INSIG2: variants seen among roughly 807,000 people sequenced by gnomAD.
The protein encoded by INSIG2 is insulin-induced gene 2 protein.
A neutral mutation model predicts 27.2 loss-of-function variants in INSIG2; 10 were observed. The ratio of observed to expected loss-of-function variants is 0.37; its 90% confidence interval spans 0.23 to 0.62. The LOEUF (loss-of-function observed/expected upper bound fraction) is 0.62, where lower values mean the gene tolerates loss of function less well. INSIG2 is among the 20% of genes least tolerant of loss of function. The probability of loss-of-function intolerance (pLI) is 0.65; values close to 1 mark genes in which losing one functional copy is unlikely to be tolerated. For synonymous variants in INSIG2, 97 were observed against 95.8 expected (o/e 1.01, Z -0.07); for missense variants, 178 against 270.2 (o/e 0.66, Z 2.39).
chr2:118,102,972 G>A (rs1558836250), intron 2 of INSIG2, among the ~76,000 whole-genome samples: 1 of 151,436 alleles, frequency 6.6e-6, no homozygotes, highest in Admixed American at 6.6e-5. Flanking sequence ...TTAGAATGTT[G>A]TTGTAATCAT....
At chr2:118,098,390 T>C (rs1221840404) in intron 2 of INSIG2, among the ~76,000 whole-genome samples, 1 of 152,158 alleles carries the variant, frequency 6.6e-6, no homozygotes, top group African/African-American at 2.4e-5. Context: ...TTGTGCCTGT[T>C]ATGGGGAGAT....
At chr2:118,098,448 C>A (rs1484124698) in intron 2 of INSIG2, among the ~76,000 whole-genome samples, 1 of 152,114 alleles carries the variant, frequency 6.6e-6, no homozygotes, top group Admixed American at 6.5e-5. Context: ...GCCCAGGGTC[C>A]CAGAGCCAGT....
chr2:118,107,281 G>A (rs1678697227), intron 5 of INSIG2, 92 bp downstream of exon 5: 2 of 782,976 alleles, frequency 2.6e-6, no homozygotes, highest in Non-Finnish European at 4.3e-6. Flanking sequence ...AATTTGTGAA[G>A]ACAACATTCT....
At chr2:118,106,946 A>G (rs778171040) in intron 4 of INSIG2, 43 bp downstream of exon 4, 12 of 1,595,448 alleles carry the variant, frequency 7.5e-6, no homozygotes, top group East Asian at 6.7e-5. Context: ...TTTGCTAGAT[A>G]AATAAATGAT....
rs1357574562 is a variant in INSIG2, at chr2:118,096,512, CTTTCCA to C, written c.-41_-36del. ...CAGTTGAGCTTTTCAGCTGGGAAGC[CTTTCCA>C]TTTTTTTTTTTTTAACGGCTTTCTG... is the stretch of plus-strand genomic sequence containing the variant. On this transcript the variant is annotated 5_prime_UTR_variant, in exon 2 of 6. Transcript: ENST00000245787. 1 of 1,550,156 alleles carries C rather than the reference CTTTCCA, an allele frequency of 6.5e-7. No homozygotes were observed. The highest frequency in any genetic ancestry group is 8.7e-7 in the Non-Finnish European group (1 of 1,153,062).
chr2:118,097,273 C>T (rs964665239), intron 2 of INSIG2, among the ~76,000 whole-genome samples: 1 of 152,170 alleles, frequency 6.6e-6, no homozygotes, highest in Non-Finnish European at 1.5e-5. Flanking sequence ...CTTTCTTCAA[C>T]CCATCTCATC....
intron 1 of INSIG2, among the ~76,000 whole-genome samples, chr2:118,090,990 C>G (rs1252523986): frequency 6.6e-6 from 1 of 152,154 alleles, no homozygotes; most frequent in African/African-American, 2.4e-5. Flanking sequence ...ATACCAGAGA[C>G]TTTTTCCCTG....
At chr2:118,092,245 G>A (rs531019515) in intron 1 of INSIG2, among the ~76,000 whole-genome samples, 6 of 152,288 alleles carry the variant, frequency 3.9e-5, no homozygotes, top group African/African-American at 9.6e-5. Flanking sequence ...TGAGGGCAAC[G>A]TGCTGTGTCT....
chr2:118,102,086 A>G (rs2104534342), intron 2 of INSIG2, among the ~76,000 whole-genome samples: 2 of 152,360 alleles, frequency 1.3e-5, no homozygotes, highest in Middle Eastern at 6.8e-3. Context: ...CTTGTCCCTC[A>G]GGCACTTAGA....
In INSIG2 at chr2:118,106,756, A is replaced by G; in HGVS notation, c.389A>G (p.Asn130Ser). 2 of 1,613,958 alleles carry G rather than the reference A, an allele frequency of 1.2e-6. No individual in the cohort carries two copies. The highest frequency in any genetic ancestry group is 1.7e-6 in the Non-Finnish European group (2 of 1,179,882). ...HASAKVDFDNNIQLSLTLAAL... is the reference protein window; with the variant it reads ...HASAKVDFDNSIQLSLTLAAL... ...TCTCAGAAAGTGGATTTCGATAACA[A>G]CATACAGTTGTCTCTCACACTGGCT... The change falls in exon 4 of 6, where the codon AAC becomes AGC. Residue 130 changes from asparagine to serine, a missense_variant. By Grantham distance (46) the Asn-to-Ser change is conservative. Transcript: ENST00000245787.
intron 1 of INSIG2, 141 bp from the exon 2 acceptor site, chr2:118,096,274 ATAAC>A (rs761855751): frequency 7.3e-5 from 20 of 275,158 alleles, no homozygotes; most frequent in African/African-American, 2.0e-4. Context: ...TATTCAATAA[ATAAC>A]TGTTAGTAAT....
chr2:118,103,080 GTTT>G, intron 2 of INSIG2, 114 bp from the exon 3 acceptor site: 4 of 646,348 alleles, frequency 6.2e-6, no homozygotes, highest in Non-Finnish European at 9.1e-6. Flanking sequence ...TTTTTTTTTT[GTTT>G]TTTTTTTTTT....
intron 2 of INSIG2, 114 bp from the exon 3 acceptor site, chr2:118,103,069 CTTTTTTTTTTGTTT>C (rs1678586026): frequency 1.3e-6 from 1 of 771,844 alleles, no homozygotes; most frequent in Non-Finnish European, 1.9e-6. Context: ...TGTGAAATAA[CTTTTTTTTTTGTTT>C]TTTTTTTTTT....
intron 1 of INSIG2, 73 bp from the exon 2 acceptor site, chr2:118,096,346 G>A: frequency 2.2e-6 from 1 of 456,186 alleles, no homozygotes; most frequent in Admixed American, 3.9e-5. Flanking sequence ...AAATTAACTA[G>A]TATTGAAATC....
intron 3 of INSIG2, 131 bp from the exon 4 acceptor site, chr2:118,106,606 T>G (rs1558837582): frequency 8.9e-6 from 6 of 672,416 alleles, no homozygotes; most frequent in Non-Finnish European, 1.5e-5. Flanking sequence ...TACATTGTAC[T>G]AAGAGACTGA....
rs542976844 is a variant in INSIG2 at position 118,102,051 on chromosome 2, C to T, written c.245-1146C>T. On this transcript the variant is annotated intron_variant, in intron 2 of 5. Coordinates refer to ENST00000245787, the MANE Select transcript of INSIG2 (RefSeq NM_016133.4). ...TGCATTGCCTGTGAGATACAGCTGG[C>T]TAATACTGGGTAGGGGGAGGGCCTC... Among the ~76,000 whole-genome samples, 11 of 152,284 alleles carry T rather than the reference C, an allele frequency of 7.2e-5. No homozygotes were observed. The South Asian group carries it at 1.9e-3, about 26-fold the overall frequency.
chr2:118,104,819 A>G (rs144384778), intron 3 of INSIG2, among the ~76,000 whole-genome samples: 1,939 of 152,178 alleles, frequency 0.013, 16 homozygotes, highest in Non-Finnish European at 0.02. Flanking sequence ...TTCCACTTTG[A>G]TTTTTGTTTT....
intron 2 of INSIG2, among the ~76,000 whole-genome samples, chr2:118,099,760 G>GT (rs1351576905): frequency 6.6e-6 from 1 of 152,138 alleles, no homozygotes; most frequent in Non-Finnish European, 1.5e-5. Context: ...GTAGAGCCTT[G>GT]TAAGATTCCT....
intron 2 of INSIG2, among the ~76,000 whole-genome samples, chr2:118,097,523 T>C (rs1408330181): frequency 1.3e-5 from 2 of 152,226 alleles, no homozygotes; most frequent in African/African-American, 4.8e-5. Context: ...ATTAGTATCC[T>C]ATTAGTTACT....
Sources: allele counts gnomAD v4.1 joint callset (sites outside exome capture counted in the v4.1 genomes callset), GRCh38; gene constraint gnomAD v4.1.1; transcripts MANE v1.5; gene names NCBI Gene and HGNC (gene_info 2026-07-23, HGNC 2026-07-21).